Variants in CTNNA2 observed in about 807,000 individuals in gnomAD.
CTNNA2 encodes the protein catenin alpha 2, also known as catenin alpha-2.
A neutral mutation model predicts 101.0 loss-of-function variants in CTNNA2; 42 were observed. The observed-to-expected ratio is 0.42, with a 90% CI of 0.32 to 0.54. The LOEUF is 0.54. Ranked by LOEUF, CTNNA2 falls within the 20% of genes least tolerant of loss-of-function variation. The pLI, the probability that CTNNA2 is intolerant of heterozygous loss-of-function variation, is 0.14. For missense variants in CTNNA2, 871 were observed against 1,223.1 expected, an observed-to-expected ratio of 0.71 and a Z score of 4.29; for synonymous variants, 450 against 456.4, an observed-to-expected ratio of 0.99 and a Z score of 0.18.
intron 7 of CTNNA2, among the ~76,000 whole-genome samples, chr2:80,227,112 T>G (rs1205442409): frequency 2.0e-5 from 3 of 152,334 alleles, no homozygotes. Flanking sequence ...AATACACAGA[T>G]CATCCATTTC....
At chr2:79,541,842 G>A (rs1327293986) in intron 1 of CTNNA2, among the ~76,000 whole-genome samples, 1 of 151,990 alleles carries the variant, frequency 6.6e-6, no homozygotes, top group East Asian at 1.9e-4. Flanking sequence ...GTCCAGGATG[G>A]TGTCGATCTC....
intron 4 of CTNNA2, among the ~76,000 whole-genome samples, chr2:79,419,059 C>T (rs1017325861): frequency 1.1e-4 from 5 of 47,252 alleles, no homozygotes; most frequent in African/African-American, 5.3e-4. Context: ...CTAAGATATA[C>T]TGGTACTTAT....
At chr2:79,397,754 C>T (rs1678248608) in intron 4 of CTNNA2, among the ~76,000 whole-genome samples, 1 of 152,078 alleles carries the variant, frequency 6.6e-6, no homozygotes. Context: ...ACCTCAAACT[C>T]CTGGGCTCAA....
chr2:80,318,829 C>A (rs1457160474), intron 7 of CTNNA2, among the ~76,000 whole-genome samples: 3 of 152,158 alleles, frequency 2.0e-5, no homozygotes, highest in Non-Finnish European at 2.9e-5. Context: ...TAGAGCAATG[C>A]AGACAAGAGA....
chr2:80,506,583 T>C (rs1233036847), intron 9 of CTNNA2, among the ~76,000 whole-genome samples: 1 of 152,130 alleles, frequency 6.6e-6, no homozygotes, highest in Non-Finnish European at 1.5e-5. Flanking sequence ...TGAAGGGTTT[T>C]AGTCAGGGCA....
intron 7 of CTNNA2, among the ~76,000 whole-genome samples, chr2:80,154,248 G>A (rs1286184963): frequency 6.6e-6 from 1 of 151,410 alleles, no homozygotes; most frequent in Non-Finnish European, 1.5e-5. Context: ...TTTTCCTGTT[G>A]GTATTTTAGA....
At chr2:80,606,215 T>C (rs1210435662) in intron 16 of CTNNA2, among the ~76,000 whole-genome samples, 1 of 151,870 alleles carries the variant, frequency 6.6e-6, no homozygotes, top group Non-Finnish European at 1.5e-5. Flanking sequence ...TAAATCTCAA[T>C]GGTCAAAAGT....
At chr2:80,463,520 A>G (rs1572952695) in intron 9 of CTNNA2, among the ~76,000 whole-genome samples, 2 of 152,260 alleles carry the variant, frequency 1.3e-5, no homozygotes, top group South Asian at 4.1e-4. Context: ...TGGAGTTATT[A>G]GGATGGATTT....
intron 4 of CTNNA2, among the ~76,000 whole-genome samples, chr2:79,458,044 A>G (rs1670843993): frequency 6.6e-6 from 1 of 152,168 alleles, no homozygotes; most frequent in East Asian, 1.9e-4. Context: ...AGCAAACCTT[A>G]AGCTCAGGTA....
At chr2:80,278,889 A>G (rs1370851273) in intron 7 of CTNNA2, among the ~76,000 whole-genome samples, 1 of 151,832 alleles carries the variant, frequency 6.6e-6, no homozygotes, top group Non-Finnish European at 1.5e-5. Flanking sequence ...GATCACTTGA[A>G]CCCAGGGGGT....
intron 7 of CTNNA2, among the ~76,000 whole-genome samples, chr2:80,043,966 G>A (rs1055967404): frequency 2.0e-5 from 3 of 152,214 alleles, no homozygotes; most frequent in African/African-American, 7.2e-5. Flanking sequence ...ACACACCCAT[G>A]TTTGAATGAA....
chr2:79,868,912 A>T (rs1254718911), intron 4 of CTNNA2, among the ~76,000 whole-genome samples: 1 of 152,152 alleles, frequency 6.6e-6, no homozygotes, highest in Non-Finnish European at 1.5e-5. Context: ...ACACTATCTG[A>T]CTGACAGGGA....
chr2:79,896,563 A>G (rs914795094), intron 6 of CTNNA2, among the ~76,000 whole-genome samples: 3 of 152,214 alleles, frequency 2.0e-5, no homozygotes, highest in African/African-American at 7.2e-5. Context: ...TTTATCAAAT[A>G]CTTATGTATG....
intron 4 of CTNNA2, among the ~76,000 whole-genome samples, chr2:79,395,577 C>G (rs976010685): frequency 2.0e-5 from 3 of 152,148 alleles, no homozygotes; most frequent in Non-Finnish European, 4.4e-5. Context: ...TAATTTCTTA[C>G]TTTTCCATTA....
At chr2:80,603,804 G>A in intron 15 of CTNNA2, 1 of 374,886 alleles carries the variant, frequency 2.7e-6, no homozygotes, top group East Asian at 4.9e-5. Context: ...TTTCTCTTGT[G>A]ATGATCTTTT....
At chr2:80,628,013 A>G (rs1671864873) in intron 18 of CTNNA2, among the ~76,000 whole-genome samples, 1 of 152,158 alleles carries the variant, frequency 6.6e-6, no homozygotes, top group African/African-American at 2.4e-5. Context: ...CCCATTCACA[A>G]TTGCTACAAA....
At chr2:80,149,582 T>C (rs1314640537) in intron 7 of CTNNA2, among the ~76,000 whole-genome samples, 1 of 152,134 alleles carries the variant, frequency 6.6e-6, no homozygotes, top group Non-Finnish European at 1.5e-5. Flanking sequence ...CATTAGGCCA[T>C]AGAAATACCC....
intron 7 of CTNNA2, among the ~76,000 whole-genome samples, chr2:80,346,267 C>T (rs1672726264): frequency 1.3e-5 from 2 of 152,158 alleles, no homozygotes; most frequent in Admixed American, 6.5e-5. Flanking sequence ...GCAGGCTGTA[C>T]AGGAAGCATG....
chr2:79,863,874 A>G (rs1204331757), intron 4 of CTNNA2, among the ~76,000 whole-genome samples: 1 of 152,144 alleles, frequency 6.6e-6, no homozygotes, highest in Non-Finnish European at 1.5e-5. Context: ...TGTTGAGGAA[A>G]GCTGTTCATG....
Sources: allele counts gnomAD v4.1 joint callset (sites outside exome capture counted in the v4.1 genomes callset), GRCh38; gene constraint gnomAD v4.1.1; transcripts MANE v1.5; gene names NCBI Gene and HGNC (gene_info 2026-07-23, HGNC 2026-07-21).